Variants in CASKIN2 observed in about 807,000 individuals in gnomAD.
CASKIN2 encodes CASK interacting protein 2, also known as caskin-2.
A neutral mutation model predicts 107.1 loss-of-function variants in CASKIN2; 41 were observed. The ratio of observed to expected loss-of-function variants is 0.38; its 90% confidence interval spans 0.30 to 0.50. The LOEUF (loss-of-function observed/expected upper bound fraction) is 0.50, where lower values mean the gene tolerates loss of function less well. CASKIN2 is among the 20% of genes least tolerant of loss of function. The pLI is 0.92. For synonymous variants in CASKIN2, 724 were observed against 705.6 expected, an observed-to-expected ratio of 1.03 and a Z score of -0.41; for missense variants, 1,546 against 1,657.4, an observed-to-expected ratio of 0.93 and a Z score of 1.17.
intron 13 of CASKIN2, 25 bp downstream of exon 13, chr17:75,504,395 A>T: frequency 6.2e-7 from 1 of 1,603,460 alleles, no homozygotes; most frequent in Non-Finnish European, 8.5e-7. Context: ...CTCCTAGCCA[A>T]CCCAGGTCCC....
At chr17:75,511,059 C>CTTT (rs149349828) in intron 2 of CASKIN2, among the ~76,000 whole-genome samples, 34 of 115,056 alleles carry the variant, frequency 3.0e-4, no homozygotes, top group Non-Finnish European at 3.9e-4. Context: ...TTTCCCTGTC[C>CTTT]TTTTTTTTTT....
At position 75,502,379 on chromosome 17, in the gene CASKIN2, CCCCTTCCTTGGG is replaced by C. The variant is rs1380536850; in HGVS notation, c.2683_2694del (p.Pro895_Gly898del). Reference sequence around the variant, plus strand: ...AGTGTTCGCCTTCGGGGCCCTGTGGCCCCTTCCTTGGGCCCTGGGCTCTCATCTAGTGGAGGT... The same window carrying C: ...AGTGTTCGCCTTCGGGGCCCTGTGGCCCCTGGGCTCTCATCTAGTGGAGGT... On this transcript the variant is annotated inframe_deletion, in exon 18 of 20. Transcript: ENST00000321617. The surrounding 1 kb of genome is among the most constrained non-coding windows in gnomAD (Gnocchi z 4.3). 1 of 1,479,998 alleles carries C rather than the reference CCCCTTCCTTGGG, an allele frequency of 6.8e-7. No homozygotes were observed. The highest frequency in any genetic ancestry group is 9.0e-7 in the Non-Finnish European group (1 of 1,117,260). 91.7% of individuals were successfully genotyped at this position (1,479,998 alleles called of 1,614,324 possible).
Position 75,502,824 on chromosome 17 carries a change from T to C in CASKIN2, c.2250A>G (p.Gly750=). 6.4e-7 allele frequency: 1 copy of C among 1,553,320 alleles called. No individual in the cohort carries two copies. Among genetic ancestry groups the C allele is most frequent in the East Asian group, 2.3e-5 (1 of 43,912 alleles). The change falls in exon 18 of 20, where the codon GGA becomes GGG. Residue 750 remains glycine (G), a synonymous_variant. Coordinates refer to ENST00000321617, the MANE Select transcript of CASKIN2 (RefSeq NM_020753.5). The surrounding 1 kb of genome is among the most constrained non-coding windows in gnomAD (Gnocchi z 4.3). ...GGTACATAAAAACATAGGGTGGGGG[T>C]CCTTGGCCAGGAAGTGAAGAACAAA... ...PKLCSSLPGQ[G]PPPYVFMYPQ...
Position 75,500,878 on chromosome 17 carries a change from C to G in CASKIN2, c.*202G>C. Reference sequence around the variant, plus strand: ...GCTTTGCTGAGATGCAGCGGAGGTCCCTCGCTAGTCAGGTTCTAAGGTGGG... The same window carrying G: ...GCTTTGCTGAGATGCAGCGGAGGTCGCTCGCTAGTCAGGTTCTAAGGTGGG... On this transcript the variant is annotated 3_prime_UTR_variant, in exon 20 of 20. Coordinates refer to ENST00000321617, the MANE Select transcript of CASKIN2 (RefSeq NM_020753.5). 1 of 581,488 alleles carries G rather than the reference C, an allele frequency of 1.7e-6. No homozygotes were observed. The highest frequency in any genetic ancestry group is 3.1e-6 in the Non-Finnish European group (1 of 325,006). 36.0% of individuals were successfully genotyped at this position (581,488 alleles called of 1,614,324 possible).
Position 75,502,061 on chromosome 17 carries a change from C to G in CASKIN2, c.3013G>C (p.Ala1005Pro), listed in dbSNP as rs574208633. Residue 1005 changes from alanine to proline, a missense_variant, in exon 18 of 20, where the codon GCA (alanine) becomes CCA (proline). By Grantham distance (27) the Ala-to-Pro change is conservative (BLOSUM62 -1). Coordinates refer to ENST00000321617, the MANE Select transcript of CASKIN2 (RefSeq NM_020753.5). The surrounding 1 kb of genome is among the most constrained non-coding windows in gnomAD (Gnocchi z 4.3). ...KCREREPLQTALLAFGVASAT... is the reference protein window; with the variant it reads ...KCREREPLQTPLLAFGVASAT... ...CTGGCCACTCCGAAGGCCAGCAGTG[C>G]GGTCTGCAGTGGCTCTCTCTCCCGG... 1.2e-6 allele frequency: 2 copies of G among 1,611,954 alleles called. No homozygotes were observed. The highest frequency in any genetic ancestry group is 1.1e-5 in the South Asian group (1 of 91,086).
At position 75,504,554 on chromosome 17, in the gene CASKIN2, G is replaced by A. The variant is rs771179477; in HGVS notation, c.1314+18C>T. 23 of 1,594,154 alleles carry A rather than the reference G, an allele frequency of 1.4e-5. 1 individual carries two copies. Among genetic ancestry groups the A allele is most frequent in the Middle Eastern group, 1.7e-4 (1 of 6,024 alleles). On this transcript the variant is annotated intron_variant, in intron 12 of 19. Coordinates refer to ENST00000321617, the MANE Select transcript of CASKIN2 (RefSeq NM_020753.5). ...TGGGGAGTGAGCCCTGACCTGGTCC[G>A]TGACCCCATCATCCTACCTGGGCGT...
At position 75,513,843 on chromosome 17, in the gene CASKIN2, G is replaced by GA; in HGVS notation, c.-40_-39insT. 6.3e-7 allele frequency: 1 copy of GA among 1,582,754 alleles called. No individual in the cohort carries two copies. The highest frequency in any genetic ancestry group is 8.7e-7 in the Non-Finnish European group (1 of 1,154,724). On this transcript the variant is annotated 5_prime_UTR_variant, in exon 2 of 20. Transcript: ENST00000321617. ...CTGAGCTCTACACTCAGGAGTCCAGGGCAAAGGCAGGCAACGGGTCCAAGC... is the reference window on the plus strand; with the variant it reads ...CTGAGCTCTACACTCAGGAGTCCAGGAGCAAAGGCAGGCAACGGGTCCAAGC...
chr17:75,513,071 C>G (rs1416823013), intron 2 of CASKIN2, among the ~76,000 whole-genome samples: 3 of 152,094 alleles, frequency 2.0e-5, no homozygotes, highest in Non-Finnish European at 4.4e-5. Flanking sequence ...TCAGAAAGAC[C>G]ATCTGCTAGA....
rs2053232621 is a variant in CASKIN2 at position 75,503,886 on chromosome 17, T to C, written c.1544A>G (p.Tyr515Cys). The C allele has an allele frequency of 6.2e-7, 1 of 1,612,630 alleles. No homozygotes were observed. The change falls in exon 15 of 20, where the codon TAT (tyrosine) becomes TGT (cysteine). Residue 515 changes from tyrosine to cysteine, a missense_variant. Physicochemically the swap from Tyr to Cys is radical, Grantham distance 194. Coordinates refer to ENST00000321617, the MANE Select transcript of CASKIN2 (RefSeq NM_020753.5). ...GYTAHFLQAG[Y>C]DVPTISRMTP... ...CATGCGGCTGATGGTAGGCACATCA[T>C]AGCCGGCCTGCAGAAAGTGGGCAGT...
At chr17:75,507,522 C>T (rs749103990) in intron 4 of CASKIN2, 62 bp downstream of exon 4, 7 of 1,250,538 alleles carry the variant, frequency 5.6e-6, no homozygotes, top group Non-Finnish European at 8.2e-6. Flanking sequence ...GCTCTGGTCC[C>T]AGGGTCTGGG....
Position 75,503,006 on chromosome 17 carries a change from G to A in CASKIN2, c.2068C>T (p.Leu690Phe), listed in dbSNP as rs2053220456. The A allele has an allele frequency of 1.9e-6, 3 of 1,606,120 alleles. No individual in the cohort carries two copies. Among genetic ancestry groups the A allele is most frequent in the East Asian group, 4.5e-5 (2 of 44,816 alleles). ...TGGCTGGGAGAGCGGGCAGGTGGGAGGGGGAGTGGTTCAGGGCCACCCCCT... is the reference window on the plus strand; with the variant it reads ...TGGCTGGGAGAGCGGGCAGGTGGGAAGGGGAGTGGTTCAGGGCCACCCCCT... ...MAGGGPEPLP[L>F]PPARSPSQES... The change falls in exon 18 of 20, where the codon CTC (leucine) becomes TTC (phenylalanine). Residue 690 changes from leucine to phenylalanine, a missense_variant. Leu to Phe is a conservative substitution (Grantham distance 22, BLOSUM62 0). Around this residue, in one of 6 missense-constraint regions of CASKIN2, gnomAD observed 1,311 missense variants for 1,311.0 expected, o/e 1.00. Coordinates refer to ENST00000321617, the MANE Select transcript of CASKIN2 (RefSeq NM_020753.5).
rs766086152 is a variant in CASKIN2 at position 75,503,014 on chromosome 17, G to A, written c.2060C>T (p.Pro687Leu). 6.2e-7 allele frequency: 1 copy of A among 1,605,748 alleles called. No homozygotes were observed. Among genetic ancestry groups the A allele is most frequent in the Non-Finnish European group, 8.5e-7 (1 of 1,178,414 alleles). The part of the protein sequence containing the change: ...QAAMAGGGPE[P>L]LPLPPARSPS... ...AGAGCGGGCAGGTGGGAGGGGGAGT[G>A]GTTCAGGGCCACCCCCTGCCATGGC... The change falls in exon 18 of 20, where the codon CCA (proline) becomes CTA (leucine). Residue 687 changes from proline to leucine, a missense_variant. Transcript: ENST00000321617.
intron 2 of CASKIN2, among the ~76,000 whole-genome samples, chr17:75,509,416 C>G (rs1396499549): frequency 2.0e-5 from 3 of 152,174 alleles, no homozygotes; most frequent in African/African-American, 7.2e-5. Flanking sequence ...GGGCTTCATT[C>G]CAACAGGGAG....
Position 75,503,722 on chromosome 17 carries a change from C to A in CASKIN2, c.1617G>T (p.Arg539Ser). The change falls in exon 16 of 20, where the codon AGG becomes AGT. Residue 539 changes from arginine (R) to serine (S), a missense_variant. By Grantham distance (110) the Arg-to-Ser change is moderately radical (BLOSUM62 -1). Around this residue, in one of 6 missense-constraint regions of CASKIN2, gnomAD observed 1,311 missense variants for 1,311.0 expected, o/e 1.00. Coordinates refer to ENST00000321617, the MANE Select transcript of CASKIN2 (RefSeq NM_020753.5). ...GAGCGATCTCTGAGGCGATCTTCTT[C>A]CTGTGCCCAGGCTTGGTCACCCCGA... ...TAIGVTKPGH[R>S]KKIASEIAQL... 1 of 1,612,606 alleles carries A rather than the reference C, an allele frequency of 6.2e-7. No homozygotes were observed.
At position 75,503,103 on chromosome 17, in the gene CASKIN2, T is replaced by G. The variant is rs780758762; in HGVS notation, c.1971A>C (p.Pro657=). 2 of 1,607,586 alleles carry G rather than the reference T, an allele frequency of 1.2e-6. No individual in the cohort carries two copies. The highest frequency in any genetic ancestry group is 1.3e-5 in the African/African-American group (1 of 74,854). The change falls in exon 18 of 20, where the codon CCA becomes CCC. Residue 657 remains proline, a synonymous_variant. Coordinates refer to ENST00000321617, the MANE Select transcript of CASKIN2 (RefSeq NM_020753.5). The part of the protein sequence containing the change: ...AIEGLENGEG[P]ATAGPRLLTF... Reference sequence around the variant, plus strand: ...TGAGGAGCCGTGGGCCAGCTGTAGCTGGGCCTTCTCCGTTCTCCAGTCCCT... The same window carrying G: ...TGAGGAGCCGTGGGCCAGCTGTAGCGGGGCCTTCTCCGTTCTCCAGTCCCT...
intron 1 of CASKIN2, among the ~76,000 whole-genome samples, 193 bp from the exon 2 acceptor site, chr17:75,514,401 G>T (rs569555411): frequency 1.9e-4 from 29 of 152,194 alleles, no homozygotes; most frequent in African/African-American, 6.3e-4. Flanking sequence ...GAGTATTGGT[G>T]GGGGGGAGGT....
intron 3 of CASKIN2, 77 bp from the exon 4 acceptor site, chr17:75,507,758 C>G: frequency 1.7e-6 from 2 of 1,151,360 alleles, no homozygotes; most frequent in Non-Finnish European, 2.5e-6. Flanking sequence ...CATACCCGAA[C>G]CTATCCTGGG....
rs1436711748 is a variant in CASKIN2 at position 75,501,694 on chromosome 17, CAG to C, written c.3296-6_3296-5del. 9.7e-6 allele frequency: 15 copies of C among 1,554,400 alleles called. No homozygotes were observed. Among genetic ancestry groups the C allele is most frequent in the Admixed American group, 1.8e-5 (1 of 54,890 alleles). ...GACACAGGCTTGGGGGCTGTTCCTG[CAG>C]AGACAAAAAGGTTGGCTTGGGACTT... On this transcript the variant is annotated splice_region_variant and splice_polypyrimidine_tract_variant and intron_variant, in intron 18 of 19. Transcript: ENST00000321617.
At position 75,502,399 on chromosome 17, in the gene CASKIN2, C is replaced by A. The variant is rs776281607; in HGVS notation, c.2675G>T (p.Ser892Ile). The A allele has an allele frequency of 6.8e-7, 1 of 1,480,356 alleles. No individual in the cohort carries two copies. The highest frequency in any genetic ancestry group is 9.0e-7 in the Non-Finnish European group (1 of 1,117,106). 91.7% of individuals were successfully genotyped at this position (1,480,356 alleles called of 1,614,324 possible). A position where few individuals can be genotyped will look rare whatever the true frequency, so the allele number is the denominator to read the frequency against. ...PSPEPPPLDESPGPKEGATGP... is the reference protein window; with the variant it reads ...PSPEPPPLDEIPGPKEGATGP... The stretch of plus-strand genomic sequence containing the variant: ...TGTGGCCCCTTCCTTGGGCCCTGGG[C>A]TCTCATCTAGTGGAGGTGGCTCCGG... Residue 892 changes from serine to isoleucine, a missense_variant, in exon 18 of 20, where the codon AGC becomes ATC. By Grantham distance (142) the Ser-to-Ile change is moderately radical (BLOSUM62 -2). Coordinates refer to ENST00000321617, the MANE Select transcript of CASKIN2 (RefSeq NM_020753.5). The surrounding 1 kb of genome is among the most constrained non-coding windows in gnomAD (Gnocchi z 4.3).
Sources: allele counts gnomAD v4.1 joint callset (sites outside exome capture counted in the v4.1 genomes callset), GRCh38; gene constraint gnomAD v4.1.1; regional missense constraint gnomAD v4.1.1; non-coding constraint Gnocchi (gnomAD v3.1); transcripts MANE v1.5; gene names NCBI Gene and HGNC (gene_info 2026-07-23, HGNC 2026-07-21).